CDC42BPA: variants seen among roughly 807,000 people sequenced by gnomAD.
CDC42BPA encodes the protein CDC42 binding protein kinase alpha.
Under a neutral mutation model 223.5 loss-of-function variants are expected in CDC42BPA, and 80 were observed. That is an observed-to-expected ratio of 0.36 (90% CI 0.30 to 0.43). The LOEUF (loss-of-function observed/expected upper bound fraction) is 0.43. Among genes scored for constraint, CDC42BPA ranks in the 20% least tolerant of loss-of-function variants. The pLI is 1.00. For synonymous variants in CDC42BPA, 694 were observed against 718.6 expected, an observed-to-expected ratio of 0.97 and a Z score of 0.55; for missense variants, 1,743 against 2,099.9, an observed-to-expected ratio of 0.83 and a Z score of 3.32.
chr1:227,160,439 G>A lies in CDC42BPA; in HGVS notation c.693+104C>T, dbSNP rs1479735827. The A allele has an allele frequency of 3.8e-6, 3 of 788,786 alleles. No individual in the cohort carries two copies. The East Asian group carries it at 7.6e-5, about 20-fold the overall frequency. The allele number at this position is 788,786 out of a possible 1,614,324, so 48.9% of individuals were successfully genotyped here. On this transcript the variant is annotated intron_variant, in intron 6 of 36. Transcript: ENST00000366766. The stretch of plus-strand genomic sequence containing the variant: ...TGGCGCATAGATAGACAAATGGATG[G>A]ATGGGTAGATAGTATAAATAGATGG...
At chr1:227,092,065 T>C (rs570797087) in intron 15 of CDC42BPA, 74 bp from the exon 16 acceptor site, 3 of 792,828 alleles carry the variant, frequency 3.8e-6, no homozygotes, top group African/African-American at 3.5e-5. Flanking sequence ...ATTTTTCCAA[T>C]AGTTACATAA....
chr1:227,002,850 G>C (rs1663149583), intron 35 of CDC42BPA, among the ~76,000 whole-genome samples: 1 of 152,210 alleles, frequency 6.6e-6, no homozygotes, highest in Non-Finnish European at 1.5e-5. Context: ...GGCCCCAGCA[G>C]ACAGCTCAAC....
At chr1:227,222,172 T>C (rs1296071850) in intron 2 of CDC42BPA, among the ~76,000 whole-genome samples, 2 of 151,488 alleles carry the variant, frequency 1.3e-5, no homozygotes, top group Non-Finnish European at 2.9e-5. Flanking sequence ...GAGCTGTGAT[T>C]GCACCACTGC....
At chr1:227,236,751 G>T (rs1000377356) in intron 2 of CDC42BPA, among the ~76,000 whole-genome samples, 2 of 152,046 alleles carry the variant, frequency 1.3e-5, no homozygotes, top group Admixed American at 6.5e-5. Context: ...AGTTAACCAT[G>T]ATCCCGACTT....
In CDC42BPA at chr1:227,147,547, C is replaced by T. The variant is rs776958792; in HGVS notation, c.706G>A (p.Val236Met). Residue 236 changes from valine (V) to methionine (M), a missense_variant, in exon 7 of 37, where the codon GTG becomes ATG. Around this residue, in one of 6 missense-constraint regions of CDC42BPA, gnomAD observed 321 missense variants for 488.7 expected, o/e 0.66. Coordinates refer to ENST00000366766, the MANE Select transcript of CDC42BPA (RefSeq NM_001394014.1). ...ATATAATCTGGAGTTCCTACAGCCACTGAGGACTGAACCTGAAGAAATTTA... is the reference window on the plus strand; with the variant it reads ...ATATAATCTGGAGTTCCTACAGCCATTGAGGACTGAACCTGAAGAAATTTA... ...LMEDGTVQSS[V>M]AVGTPDYISP... is the part of the protein sequence containing the mutation. 3 of 1,598,318 alleles carry T rather than the reference C, an allele frequency of 1.9e-6. No homozygotes were observed. Among genetic ancestry groups the T allele is most frequent in the Admixed American group, 1.7e-5 (1 of 57,878 alleles).
chr1:227,309,501 C>T (rs1289044720), intron 1 of CDC42BPA, among the ~76,000 whole-genome samples: 1 of 152,170 alleles, frequency 6.6e-6, no homozygotes, highest in Non-Finnish European at 1.5e-5. Context: ...GTAAAGTTCC[C>T]ACACTAGTCC....
intron 1 of CDC42BPA, among the ~76,000 whole-genome samples, chr1:227,255,722 GTACT>G (rs1246096538): frequency 6.6e-6 from 1 of 152,030 alleles, no homozygotes; most frequent in Non-Finnish European, 1.5e-5. Context: ...AAAGAATAAA[GTACT>G]TAAAGATAAA....
At chr1:227,077,771 C>A (rs1184623554) in intron 17 of CDC42BPA, among the ~76,000 whole-genome samples, 12 of 150,926 alleles carry the variant, frequency 8.0e-5, no homozygotes, top group African/African-American at 2.9e-4. Context: ...GGGTGGTTAC[C>A]CCTCTTAACT....
At chr1:227,105,154 T>C (rs1405186268) in intron 14 of CDC42BPA, among the ~76,000 whole-genome samples, 1 of 152,140 alleles carries the variant, frequency 6.6e-6, no homozygotes, top group African/African-American at 2.4e-5. Flanking sequence ...AAATTTTCCA[T>C]TTTAACCATT....
chr1:227,207,624 T>C (rs1262441980), intron 3 of CDC42BPA, among the ~76,000 whole-genome samples: 26 of 151,328 alleles, frequency 1.7e-4, no homozygotes, highest in Admixed American at 1.5e-3. Context: ...TGTTTGGTTT[T>C]TTGTTCTTGC....
At chr1:227,213,486 T>A (rs1020018434) in intron 2 of CDC42BPA, among the ~76,000 whole-genome samples, 4 of 152,308 alleles carry the variant, frequency 2.6e-5, no homozygotes, top group South Asian at 2.1e-4. Context: ...CTGTATTAGT[T>A]GGTAATTACA....
chr1:227,294,043 G>A (rs1398935911), intron 1 of CDC42BPA, among the ~76,000 whole-genome samples: 11 of 151,952 alleles, frequency 7.2e-5, no homozygotes, highest in African/African-American at 2.4e-4. Context: ...AGGCTGAGGC[G>A]GGTGGATCAC....
intron 2 of CDC42BPA, among the ~76,000 whole-genome samples, chr1:227,235,755 C>A (rs1446109832): frequency 6.6e-6 from 1 of 152,218 alleles, no homozygotes; most frequent in Admixed American, 6.5e-5. Flanking sequence ...GCTGCTCCAA[C>A]TCCTACTCCA....
At chr1:227,067,471 C>G (rs1297106973) in intron 21 of CDC42BPA, among the ~76,000 whole-genome samples, 1 of 152,030 alleles carries the variant, frequency 6.6e-6, no homozygotes, top group Non-Finnish European at 1.5e-5. Context: ...AAACTTCCTT[C>G]CCTTTCTTTT....
chr1:227,310,851 T>G (rs1228321165), intron 1 of CDC42BPA, among the ~76,000 whole-genome samples: 1 of 131,700 alleles, frequency 7.6e-6, no homozygotes, highest in African/African-American at 2.9e-5. Context: ...CGCGCCCGGC[T>G]AATTTTTTTT....
At position 227,292,143 on chromosome 1, in the gene CDC42BPA, C is replaced by T. The variant is rs757497122; in HGVS notation, c.178+24862G>A. ...GACTACAGGCACACGCCACCATGCC[C>T]GGCTTATTTTTGTATTCTTAGTAGA... On this transcript the variant is annotated intron_variant, in intron 1 of 36. Transcript: ENST00000366766. Among the ~76,000 whole-genome samples the T allele has an allele frequency of 2.6e-5, 4 of 152,064 alleles. No individual in the cohort carries two copies. The South Asian group carries it at 6.2e-4, about 24-fold the overall frequency.
chr1:227,200,028 C>A (rs6684840), intron 3 of CDC42BPA, among the ~76,000 whole-genome samples: 3 of 151,884 alleles, frequency 2.0e-5, no homozygotes, highest in African/African-American at 4.8e-5. Context: ...ACTGTGAACC[C>A]ATTCTCTTCC....
intron 20 of CDC42BPA, among the ~76,000 whole-genome samples, chr1:227,070,187 T>G (rs1677988159): frequency 6.6e-6 from 1 of 151,902 alleles, no homozygotes; most frequent in Non-Finnish European, 1.5e-5. Context: ...ATCTGATTTT[T>G]CTAAGCTAAT....
chr1:227,203,437 T>C (rs1672135588), intron 3 of CDC42BPA, among the ~76,000 whole-genome samples: 1 of 152,154 alleles, frequency 6.6e-6, no homozygotes, highest in Non-Finnish European at 1.5e-5. Flanking sequence ...TGAGAAGCCC[T>C]GTTCTAGATC....
Sources: gnomAD v4.1 joint callset for allele counts (sites outside exome capture counted in the v4.1 genomes callset) on GRCh38, gnomAD v4.1.1 for gene constraint, gnomAD v4.1.1 regional missense constraint, MANE v1.5 for transcripts, NCBI Gene and HGNC (gene_info 2026-07-23, HGNC 2026-07-21) for gene names.